Variants in CTTNBP2 observed in about 807,000 individuals in gnomAD.
CTTNBP2 encodes the protein cortactin-binding protein 2.
A neutral mutation model predicts 156.9 loss-of-function variants in CTTNBP2; 108 were observed. The observed-to-expected ratio is 0.69, with a 90% CI of 0.59 to 0.81. The LOEUF is 0.81. CTTNBP2 is among the 30% of genes least tolerant of loss of function. The probability of loss-of-function intolerance (pLI) is 0.00; values close to 1 mark genes in which losing one functional copy is unlikely to be tolerated. For synonymous variants in CTTNBP2, 767 were observed against 751.8 expected, an observed-to-expected ratio of 1.02 and a Z score of -0.33; for missense variants, 1,924 against 2,035.4, an observed-to-expected ratio of 0.95 and a Z score of 1.05.
At chr7:117,756,693 A>G (rs1796904648) in intron 11 of CTTNBP2, 59 bp from the exon 12 acceptor site, 1 of 1,069,654 alleles carries the variant, frequency 9.3e-7, no homozygotes, top group Non-Finnish European at 1.5e-6. Context: ...TAAACGATCA[A>G]AACACAACAG....
chr7:117,845,978 G>C (rs1802558305), intron 2 of CTTNBP2, among the ~76,000 whole-genome samples: 1 of 152,024 alleles, frequency 6.6e-6, no homozygotes, highest in African/African-American at 2.4e-5. Flanking sequence ...AGCCTCCCGA[G>C]TAGGTGGGAC....
chr7:117,859,284 G>A (rs1803546331), intron 2 of CTTNBP2, among the ~76,000 whole-genome samples: 1 of 152,168 alleles, frequency 6.6e-6, no homozygotes, highest in Non-Finnish European at 1.5e-5. Context: ...TATGAAAAAT[G>A]TTCATTCGGC....
At chr7:117,807,646 T>TA (rs1041916497) in intron 3 of CTTNBP2, among the ~76,000 whole-genome samples, 1 of 152,090 alleles carries the variant, frequency 6.6e-6, no homozygotes, top group African/African-American at 2.4e-5. Flanking sequence ...GTCTTAGGCT[T>TA]CAAATAGGTA....
chr7:117,775,161 A>G (rs1313304593), intron 8 of CTTNBP2, among the ~76,000 whole-genome samples: 1 of 152,176 alleles, frequency 6.6e-6, no homozygotes, highest in Non-Finnish European at 1.5e-5. Flanking sequence ...AGGTTAGACT[A>G]GAAGATTAAA....
intron 2 of CTTNBP2, among the ~76,000 whole-genome samples, chr7:117,828,970 G>A (rs1801450708): frequency 1.3e-5 from 2 of 152,202 alleles, no homozygotes; most frequent in Non-Finnish European, 2.9e-5. Flanking sequence ...ATCATTTCCT[G>A]ACTCTCCAAC....
intron 9 of CTTNBP2, among the ~76,000 whole-genome samples, chr7:117,766,605 G>T (rs986846179): frequency 6.6e-6 from 1 of 152,126 alleles, no homozygotes; most frequent in African/African-American, 2.4e-5. Context: ...ATGCTGAGGA[G>T]CATATACTCG....
At chr7:117,720,812 A>C (rs964888466) in intron 20 of CTTNBP2, among the ~76,000 whole-genome samples, 1 of 152,248 alleles carries the variant, frequency 6.6e-6, no homozygotes, top group African/African-American at 2.4e-5. Flanking sequence ...TAATATTTCT[A>C]ACCTTATTCA....
In CTTNBP2 at chr7:117,861,141, G is replaced by C. The variant is rs1226091396; in HGVS notation, c.189+68C>G. 5.7e-6 allele frequency: 5 copies of C among 883,436 alleles called. No homozygotes were observed. The South Asian group carries it at 7.7e-5, about 14-fold the overall frequency. 54.7% of individuals were successfully genotyped at this position (883,436 alleles called of 1,614,324 possible). On this transcript the variant is annotated intron_variant, in intron 2 of 22. Coordinates refer to ENST00000160373, the MANE Select transcript of CTTNBP2 (RefSeq NM_033427.3). ...TGATTCAAAAATTAAGAAAAAGAAG[G>C]TTTGCCAATGGCTCTTTGAAAAAAG... is the stretch of plus-strand genomic sequence containing the variant.
At chr7:117,799,294 A>T (rs1010700937) in intron 3 of CTTNBP2, among the ~76,000 whole-genome samples, 1 of 151,858 alleles carries the variant, frequency 6.6e-6, no homozygotes, top group African/African-American at 2.4e-5. Flanking sequence ...ACCAATATAT[A>T]AAAAAAGTAA....
intron 8 of CTTNBP2, among the ~76,000 whole-genome samples, chr7:117,773,739 G>C (rs1313487244): frequency 6.8e-6 from 1 of 146,864 alleles, no homozygotes; most frequent in Non-Finnish European, 1.5e-5. Flanking sequence ...AAAACAAATA[G>C]AAAGCCTGGT....
chr7:117,756,472 C>T, intron 12 of CTTNBP2, 83 bp downstream of exon 12: 1 of 1,049,716 alleles, frequency 9.5e-7, no homozygotes, highest in Non-Finnish European at 1.5e-6. Context: ...TTGCACTCCT[C>T]CTTTAAACAT....
intron 1 of CTTNBP2, among the ~76,000 whole-genome samples, chr7:117,865,919 T>C (rs1473228432): frequency 1.4e-5 from 2 of 148,092 alleles, no homozygotes; most frequent in Non-Finnish European, 3.0e-5. Context: ...CAATTTATTA[T>C]ATATAATTTA....
In CTTNBP2 at chr7:117,718,014, T is replaced by C. The variant is rs199980336; in HGVS notation, c.4746+4A>G. The C allele has an allele frequency of 2.0e-5, 32 of 1,576,738 alleles. No individual in the cohort carries two copies. The highest frequency in any genetic ancestry group is 8.9e-5 in the South Asian group (8 of 90,252). ...GTTCACTTTGGGGAGAAAGGGACAC[T>C]TACCTTTTGTGACACTGGCATTCTC... On this transcript the variant is annotated splice_donor_region_variant and intron_variant, in intron 22 of 22. Coordinates refer to ENST00000160373, the MANE Select transcript of CTTNBP2 (RefSeq NM_033427.3).
At chr7:117,719,658 C>A (rs188569775) in intron 20 of CTTNBP2, 22 bp from the exon 21 acceptor site, 21 of 1,593,226 alleles carry the variant, frequency 1.3e-5, no homozygotes, top group Non-Finnish European at 1.7e-5. Flanking sequence ...TTCAGAAAAA[C>A]GTTTTTCAAA....
At chr7:117,728,046 C>A (rs575641271) in intron 17 of CTTNBP2, 43 bp downstream of exon 17, 3 of 1,565,796 alleles carry the variant, frequency 1.9e-6, no homozygotes, top group South Asian at 2.4e-5. Flanking sequence ...GAATTGGCCA[C>A]GTCTCTATCA....
intron 22 of CTTNBP2, among the ~76,000 whole-genome samples, chr7:117,712,971 A>C (rs546969396): frequency 7.3e-4 from 111 of 152,298 alleles, no homozygotes; most frequent in African/African-American, 2.6e-3. Context: ...GCAGGACGTG[A>C]GCGGGGGCGA....
chr7:117,783,050 C>T, intron 5 of CTTNBP2, 89 bp from the exon 6 acceptor site: 2 of 866,278 alleles, frequency 2.3e-6, no homozygotes, highest in Non-Finnish European at 1.9e-6. Context: ...GATTCTAATC[C>T]CAAAGGGACT....
At chr7:117,863,505 C>A (rs1247633177) in intron 1 of CTTNBP2, among the ~76,000 whole-genome samples, 2 of 152,186 alleles carry the variant, frequency 1.3e-5, no homozygotes, top group African/African-American at 4.8e-5. Context: ...AAAAAACAAG[C>A]CACGGGGCTC....
At chr7:117,788,983 A>AT (rs10712279) in intron 4 of CTTNBP2, among the ~76,000 whole-genome samples, 1 of 151,758 alleles carries the variant, frequency 6.6e-6, no homozygotes, top group Non-Finnish European at 1.5e-5. Flanking sequence ...AGTCGCTGGT[A>AT]TTTTTTTTGG....
Sources: gnomAD v4.1 joint callset for allele counts (sites outside exome capture counted in the v4.1 genomes callset) on GRCh38, gnomAD v4.1.1 for gene constraint, MANE v1.5 for transcripts, NCBI Gene and HGNC (gene_info 2026-07-23, HGNC 2026-07-21) for gene names.